Variants in PDE1C observed in about 807,000 individuals in gnomAD.
The protein encoded by PDE1C is phosphodiesterase 1C.
In PDE1C, 62 loss-of-function variants were observed where a neutral mutation model predicts 93.1. The ratio of observed to expected loss-of-function variants is 0.67; its 90% CI spans 0.54 to 0.82. The LOEUF is 0.82. Among genes scored for constraint, PDE1C ranks in the 40% least tolerant of loss-of-function variants. The pLI is 0.00. For missense variants in PDE1C, 742 were observed against 884.6 expected, an observed-to-expected ratio of 0.84 and a Z score of 2.04; for synonymous variants, 325 against 310.1, an observed-to-expected ratio of 1.05 and a Z score of -0.50.
chr7:31,950,430 A>G (rs957686168), intron 2 of PDE1C, among the ~76,000 whole-genome samples: 1 of 152,114 alleles, frequency 6.6e-6, no homozygotes, highest in Admixed American at 6.5e-5. Flanking sequence ...AAGCATACAT[A>G]CTCTCATGGC....
intron 3 of PDE1C, among the ~76,000 whole-genome samples, chr7:32,121,445 G>A (rs1203783506): frequency 6.6e-6 from 1 of 151,920 alleles, no homozygotes; most frequent in Non-Finnish European, 1.5e-5. Flanking sequence ...CTCCAAGGTT[G>A]AAATGAAGGA....
intron 2 of PDE1C, among the ~76,000 whole-genome samples, chr7:32,034,276 G>A (rs1038851878): frequency 6.6e-6 from 1 of 152,056 alleles, no homozygotes; most frequent in Non-Finnish European, 1.5e-5. Flanking sequence ...TGGCCCAACA[G>A]ATGGGCTGGA....
chr7:31,756,333 T>C (rs1466845493), intron 17 of PDE1C, among the ~76,000 whole-genome samples: 2 of 152,158 alleles, frequency 1.3e-5, no homozygotes, highest in Non-Finnish European at 2.9e-5. Flanking sequence ...CCCAAAAATA[T>C]ATAACCCCAT....
intron 15 of PDE1C, 103 bp downstream of exon 15, chr7:31,815,821 T>C (rs765265697): frequency 2.3e-6 from 2 of 861,380 alleles, no homozygotes; most frequent in Non-Finnish European, 3.8e-6. Flanking sequence ...CAGGGAAGCC[T>C]TGCCCTGTGA....
intron 1 of PDE1C, among the ~76,000 whole-genome samples, chr7:32,276,966 A>C (rs1396398622): frequency 1.3e-5 from 2 of 152,186 alleles, no homozygotes; most frequent in Non-Finnish European, 2.9e-5. Flanking sequence ...CAAAAGCTGC[A>C]TGCAGCACAG....
the PDE1C span, among the ~76,000 whole-genome samples, chr7:31,675,858 G>A: frequency 2.6e-5 from 4 of 152,036 alleles, no homozygotes; most frequent in African/African-American, 4.8e-5. Context: ...TAGGCAAAAG[G>A]TTACCAAAAT....
intron 3 of PDE1C, among the ~76,000 whole-genome samples, chr7:32,147,292 G>GAAAGAAAGAAAGAAAGAAA (rs1800933370): frequency 7.7e-6 from 1 of 130,178 alleles, no homozygotes; most frequent in African/African-American, 3.1e-5. Flanking sequence ...AAGAAAGAAA[G>GAAAGAAAGAAAGAAAGAAA]AAAGAAAGAA....
rs550201857 is a variant in PDE1C at position 31,878,071 on chromosome 7, T to A, written c.426-35A>T. On this transcript the variant is annotated intron_variant, in intron 4 of 17. Coordinates refer to ENST00000396191, the MANE Select transcript of PDE1C (RefSeq NM_001191057.4). ...CAAAAGGGAAAAATGCAACATGATA[T>A]CTTATAAAGTAGGATTTGTAATCCA... 3.4e-4 allele frequency: 488 copies of A among 1,450,494 alleles called. 8 individuals are homozygous for A. The South Asian group carries it at 5.5e-3, about 16-fold the overall frequency. The allele number at this position is 1,450,494 out of a possible 1,614,324, so 89.9% of individuals were successfully genotyped here.
At chr7:31,884,138 A>C (rs1296162119) in intron 2 of PDE1C, among the ~76,000 whole-genome samples, 1 of 152,202 alleles carries the variant, frequency 6.6e-6, no homozygotes, top group Non-Finnish European at 1.5e-5. Context: ...AACCTAGAAC[A>C]ACCCGTCACT....
chr7:32,374,317 A>C (rs576194574), intron 1 of PDE1C, among the ~76,000 whole-genome samples: 10 of 151,942 alleles, frequency 6.6e-5, no homozygotes, highest in African/African-American at 1.9e-4. Context: ...GAAGAAAAGA[A>C]AAGAAAACTA....
intron 1 of PDE1C, among the ~76,000 whole-genome samples, chr7:32,419,468 C>A (rs373626612): frequency 6.6e-6 from 1 of 152,280 alleles, no homozygotes; most frequent in Admixed American, 6.5e-5. Context: ...GGAGAGTGAG[C>A]CCTTGGGGTA....
the PDE1C span, among the ~76,000 whole-genome samples, chr7:31,683,097 AT>A: frequency 6.6e-6 from 1 of 152,196 alleles, no homozygotes; most frequent in Non-Finnish European, 1.5e-5. Context: ...TACACAAATG[AT>A]AAAATTGTAT....
intron 2 of PDE1C, among the ~76,000 whole-genome samples, chr7:32,010,117 G>A (rs914907225): frequency 1.3e-5 from 2 of 152,126 alleles, no homozygotes; most frequent in Non-Finnish European, 2.9e-5. Context: ...CTATGATTCA[G>A]TACAATCCAG....
chr7:32,207,793 T>C (rs947706903), intron 2 of PDE1C, among the ~76,000 whole-genome samples: 1 of 152,216 alleles, frequency 6.6e-6, no homozygotes, highest in African/African-American at 2.4e-5. Flanking sequence ...GTTACCTTCC[T>C]TTCTCTGTGA....
At chr7:31,877,908 A>G in intron 5 of PDE1C, 62 bp downstream of exon 5, 1 of 1,091,592 alleles carries the variant, frequency 9.2e-7, no homozygotes, top group Non-Finnish European at 1.4e-6. Context: ...ATTTTCTAAC[A>G]AATTTAACTC....
the PDE1C span, among the ~76,000 whole-genome samples, chr7:31,656,779 G>C: frequency 3.9e-5 from 6 of 152,192 alleles, no homozygotes; most frequent in South Asian, 1.2e-3. Flanking sequence ...ATTATTTTCT[G>C]ATGAAGAATA....
At chr7:31,889,720 C>T (rs140501571) in intron 2 of PDE1C, among the ~76,000 whole-genome samples, 1,709 of 152,244 alleles carry the variant, frequency 0.011, 16 homozygotes, top group Non-Finnish European at 0.017. Flanking sequence ...ATGGGAACAC[C>T]AGCCAAAATG....
chr7:31,895,991 T>TACATACATACA (rs1799262337), intron 2 of PDE1C, among the ~76,000 whole-genome samples: 6 of 148,486 alleles, frequency 4.0e-5, no homozygotes, highest in African/African-American at 1.3e-4. Flanking sequence ...ACACTCTCCC[T>TACATACATACA]TACATACATA....
At chr7:31,846,656 G>T (rs1156353753) in intron 9 of PDE1C, among the ~76,000 whole-genome samples, 1 of 152,124 alleles carries the variant, frequency 6.6e-6, no homozygotes, top group Non-Finnish European at 1.5e-5. Context: ...AAGAGCTCCT[G>T]CACAGCAAAA....
Sources: gnomAD v4.1 joint callset for allele counts (sites outside exome capture counted in the v4.1 genomes callset) on GRCh38, gnomAD v4.1.1 for gene constraint, MANE v1.5 for transcripts, NCBI Gene and HGNC (gene_info 2026-07-23, HGNC 2026-07-21) for gene names.